The following MRPL13 variants were observed in gnomAD, a reference collection of about 807,000 sequenced individuals.
MRPL13 encodes the protein mitochondrial ribosomal protein L13.
In MRPL13, 33 loss-of-function variants were observed where a neutral mutation model predicts 29.0. The ratio of observed to expected loss-of-function variants is 1.14; its 90% confidence interval spans 0.86 to 1.52. MRPL13 has a LOEUF of 1.52. Among genes scored for constraint, MRPL13 ranks in the 40% most tolerant of loss-of-function variants. The pLI, the probability that MRPL13 is intolerant of heterozygous loss-of-function variation, is 0.00. For synonymous variants in MRPL13, 77 were observed against 68.4 expected (o/e 1.13, Z -0.62); for missense variants, 227 against 216.7 (o/e 1.05, Z -0.30).
rs986874648 is a variant in MRPL13, at chr8:120,443,093, G to A, written c.151+92C>T. 5 of 1,187,636 alleles carry A rather than the reference G, an allele frequency of 4.2e-6. No homozygotes were observed. The African/African-American group carries it at 6.3e-5, about 15-fold the overall frequency. The allele number at this position is 1,187,636 out of a possible 1,614,324, so 73.6% of individuals were successfully genotyped here. A position where few individuals can be genotyped will look rare whatever the true frequency, so the allele number is the denominator to read the frequency against. ...CAGGATCCTCAGGAAAAATAAAAAGGGCCCTTAAACTCAGCCCTGTTAAAC... is the reference window on the plus strand; with the variant it reads ...CAGGATCCTCAGGAAAAATAAAAAGAGCCCTTAAACTCAGCCCTGTTAAAC... On this transcript the variant is annotated intron_variant, in intron 2 of 6. Coordinates refer to ENST00000306185, the MANE Select transcript of MRPL13 (RefSeq NM_014078.6).
intron 3 of MRPL13, among the ~76,000 whole-genome samples, chr8:120,431,505 T>A (rs1466215000): frequency 6.6e-6 from 1 of 152,126 alleles, no homozygotes; most frequent in Non-Finnish European, 1.5e-5. Context: ...TAAACTCAAA[T>A]ACAGAAATAC....
intron 2 of MRPL13, 69 bp downstream of exon 2, chr8:120,443,116 A>C (rs1192766003): frequency 1.5e-6 from 2 of 1,342,072 alleles, no homozygotes; most frequent in African/African-American, 1.5e-5. Context: ...AGCCCTGTTA[A>C]ACTTCATCAA....
At chr8:120,413,194 G>A (rs1318778541) in intron 6 of MRPL13, among the ~76,000 whole-genome samples, 3 of 152,138 alleles carry the variant, frequency 2.0e-5, no homozygotes, top group African/African-American at 4.8e-5. Context: ...GCTGATAAAA[G>A]TCTTAATTAA....
chr8:120,439,946 C>G (rs1813099468), intron 2 of MRPL13, among the ~76,000 whole-genome samples: 1 of 152,202 alleles, frequency 6.6e-6, no homozygotes, highest in African/African-American at 2.4e-5. Flanking sequence ...TCTTCATTTT[C>G]ACAACTGGAA....
intron 6 of MRPL13, among the ~76,000 whole-genome samples, chr8:120,411,665 T>C (rs1211225850): frequency 1.3e-5 from 2 of 152,148 alleles, no homozygotes; most frequent in Non-Finnish European, 2.9e-5. Flanking sequence ...TGACTATTTA[T>C]GAGGAAAAAA....
rs573096261 is a variant in MRPL13 at position 120,443,033 on chromosome 8, T to C, written c.151+152A>G. On this transcript the variant is annotated intron_variant, in intron 2 of 6. Coordinates refer to ENST00000306185, the MANE Select transcript of MRPL13 (RefSeq NM_014078.6). ...TCCAGTGAATAAGCCAAATTCAGTT[T>C]TGGGCGCTAGTATGGTTTCAGCAAG... The C allele has an allele frequency of 2.0e-4, 154 of 762,630 alleles. 1 individual carries two copies. In the African/African-American group the frequency reaches 2.6e-3, roughly 13 times the overall value. 47.2% of individuals were successfully genotyped at this position (762,630 alleles called of 1,614,324 possible). A position where few individuals can be genotyped will look rare whatever the true frequency, so the allele number is the denominator to read the frequency against.
intron 6 of MRPL13, among the ~76,000 whole-genome samples, chr8:120,411,509 C>T (rs908065926): frequency 6.6e-6 from 1 of 152,162 alleles, no homozygotes; most frequent in Non-Finnish European, 1.5e-5. Context: ...TAAAGACTAA[C>T]TGGACTTGAT....
intron 6 of MRPL13, among the ~76,000 whole-genome samples, chr8:120,402,548 T>C (rs1032560762): frequency 1.3e-5 from 2 of 152,074 alleles, no homozygotes; most frequent in Admixed American, 1.3e-4. Context: ...TATAAAACCC[T>C]AGAAGAAAAT....
Position 120,425,312 on chromosome 8 carries a change from T to C in MRPL13, c.300A>G (p.Pro100=), listed in dbSNP as rs758512671. 8 of 1,611,720 alleles carry C rather than the reference T, an allele frequency of 5.0e-6. No individual in the cohort carries two copies. Among genetic ancestry groups the C allele is most frequent in the Non-Finnish European group, 6.8e-6 (8 of 1,178,424 alleles). Residue 100 remains proline, a synonymous_variant, in exon 4 of 7, where the codon CCA becomes CCG. Transcript: ENST00000306185. ...VTAAQLHLRD[P]VAIVKLAIYG... ...AAAAATACAAGAAACTTACTGCCACTGGATCCCTCAGGTGAAGCTGAGCAG... is the reference window on the plus strand; with the variant it reads ...AAAAATACAAGAAACTTACTGCCACCGGATCCCTCAGGTGAAGCTGAGCAG...
intron 4 of MRPL13, among the ~76,000 whole-genome samples, chr8:120,421,562 TA>T (rs1418551428): frequency 1.3e-5 from 2 of 151,804 alleles, no homozygotes; most frequent in African/African-American, 2.4e-5. Flanking sequence ...GGATTTGAAT[TA>T]AAAGTAAATA....
chr8:120,434,425 C>T (rs142450410), intron 2 of MRPL13, among the ~76,000 whole-genome samples: 9 of 152,132 alleles, frequency 5.9e-5, no homozygotes, highest in Non-Finnish European at 1.2e-4. Flanking sequence ...ATAATGTTTA[C>T]GGAGAAAACA....
chr8:120,418,712 T>C (rs1365537617), intron 5 of MRPL13, among the ~76,000 whole-genome samples: 1 of 152,126 alleles, frequency 6.6e-6, no homozygotes, highest in Non-Finnish European at 1.5e-5. Flanking sequence ...TTATGGTTTC[T>C]AAAGAAAGTG....
intron 6 of MRPL13, among the ~76,000 whole-genome samples, chr8:120,410,880 T>G (rs1812732699): frequency 6.6e-6 from 1 of 151,924 alleles, no homozygotes; most frequent in Non-Finnish European, 1.5e-5. Context: ...GTTCAAGCAA[T>G]TCTCCTGCCT....
chr8:120,404,592 ACAATGTTTCTCTAAT>A (rs918215081), intron 6 of MRPL13, among the ~76,000 whole-genome samples: 2 of 152,230 alleles, frequency 1.3e-5, no homozygotes, highest in Non-Finnish European at 2.9e-5. Flanking sequence ...TGCTTCTACT[ACAATGTTTCTCTAAT>A]CATACTGGCT....
chr8:120,412,226 T>C (rs1377497395), intron 6 of MRPL13, among the ~76,000 whole-genome samples: 1 of 152,210 alleles, frequency 6.6e-6, no homozygotes, highest in South Asian at 2.1e-4. Context: ...TATAGGAAGG[T>C]AACCTGTCAA....
At chr8:120,420,045 A>T in intron 4 of MRPL13, 107 bp from the exon 5 acceptor site, 2 of 631,482 alleles carry the variant, frequency 3.2e-6, no homozygotes, top group Non-Finnish European at 4.8e-6. Context: ...ATTCAACACG[A>T]ATATAGGAAA....
rs969839671 is a variant in MRPL13, at chr8:120,426,702, T to C, written c.246-1336A>G. ...CAATTGATTTTTACTAGTAAGAAAA[T>C]AACTCATTCTTTCCTCCAATATGGG... On this transcript the variant is annotated intron_variant, in intron 3 of 6. Coordinates refer to ENST00000306185, the MANE Select transcript of MRPL13 (RefSeq NM_014078.6). 7.1e-4 allele frequency among the ~76,000 whole-genome samples: 108 copies of C among 152,250 alleles called. 1 individual carries two copies. Among genetic ancestry groups the C allele is most frequent in the African/African-American group, 2.5e-3 (103 of 41,576 alleles).
At chr8:120,425,773 T>C (rs534537253) in intron 3 of MRPL13, among the ~76,000 whole-genome samples, 1 of 152,276 alleles carries the variant, frequency 6.6e-6, no homozygotes, top group East Asian at 1.9e-4. Context: ...GTAGTCCACT[T>C]GGTTCTGAAT....
chr8:120,424,222 C>T (rs907731337), intron 4 of MRPL13, among the ~76,000 whole-genome samples: 2 of 152,086 alleles, frequency 1.3e-5, no homozygotes, highest in South Asian at 4.1e-4. Flanking sequence ...AGGATCAGTA[C>T]ATATTGACCC....
Sources: allele counts gnomAD v4.1 joint callset (sites outside exome capture counted in the v4.1 genomes callset), GRCh38; gene constraint gnomAD v4.1.1; transcripts MANE v1.5; gene names NCBI Gene and HGNC (gene_info 2026-07-23, HGNC 2026-07-21).